Variants in TIGAR observed in about 807,000 individuals in gnomAD.
TIGAR encodes the protein TP53 induced glycolysis regulatory phosphatase, also known as fructose-2,6-bisphosphatase TIGAR.
Under a neutral mutation model 17.9 loss-of-function variants are expected in TIGAR, and 7 were observed. The observed-to-expected ratio is 0.39, with a 90% CI of 0.22 to 0.73. The LOEUF is 0.73. Ranked by LOEUF, TIGAR falls within the 30% of genes least tolerant of loss-of-function variation. The pLI is 0.42. For synonymous variants in TIGAR, 94 were observed against 108.6 expected (o/e 0.87, Z 0.84); for missense variants, 258 against 327.4 (o/e 0.79, Z 1.64).
At chr12:4,325,456 T>A (rs1591658562) in intron 1 of TIGAR, among the ~76,000 whole-genome samples, 2 of 152,074 alleles carry the variant, frequency 1.3e-5, no homozygotes, top group Middle Eastern at 6.8e-3. Flanking sequence ...AGATACTTTA[T>A]AAAGATCAAA....
At chr12:4,345,335 A>G (rs1864768072) in intron 3 of TIGAR, among the ~76,000 whole-genome samples, 1 of 152,254 alleles carries the variant, frequency 6.6e-6, no homozygotes, top group East Asian at 1.9e-4. Context: ...AGCTGGAGGC[A>G]TCACGCTACC....
At chr12:4,349,729 T>A in intron 3 of TIGAR, 90 bp from the exon 4 acceptor site, 1 of 1,127,878 alleles carries the variant, frequency 8.9e-7, no homozygotes, top group Admixed American at 2.5e-5. Context: ...AGTTCTTTTT[T>A]ATTCACTAAG....
intron 2 of TIGAR, among the ~76,000 whole-genome samples, chr12:4,331,934 C>T (rs1024727400): frequency 2.0e-5 from 3 of 152,082 alleles, no homozygotes; most frequent in African/African-American, 4.8e-5. Context: ...TGGTTAGGGA[C>T]TTCCGGGGTT....
chr12:4,351,413 A>G (rs750770249), intron 5 of TIGAR, 36 bp downstream of exon 5: 2 of 1,557,112 alleles, frequency 1.3e-6, no homozygotes. Flanking sequence ...TGGTTGAATT[A>G]AGACTCAAAA....
At chr12:4,330,331 A>G (rs571357667) in intron 1 of TIGAR, among the ~76,000 whole-genome samples, 1 of 152,324 alleles carries the variant, frequency 6.6e-6, no homozygotes, top group South Asian at 2.1e-4. Context: ...AATTGAAGAA[A>G]CCTTCCATCA....
intron 2 of TIGAR, among the ~76,000 whole-genome samples, chr12:4,336,481 C>G (rs970184701): frequency 6.6e-6 from 1 of 151,450 alleles, no homozygotes; most frequent in East Asian, 1.9e-4. Context: ...CACACACACA[C>G]ACACACACAC....
At chr12:4,338,975 C>CAAAA (rs199840929) in intron 3 of TIGAR, among the ~76,000 whole-genome samples, 622 of 37,854 alleles carry the variant, frequency 0.016, 56 homozygotes, top group African/African-American at 0.045. Flanking sequence ...AACTTTGTCT[C>CAAAA]ACAAAAAAAA....
intron 2 of TIGAR, among the ~76,000 whole-genome samples, chr12:4,334,685 T>G (rs2120662298): frequency 6.6e-6 from 1 of 152,322 alleles, no homozygotes; most frequent in South Asian, 2.1e-4. Context: ...CTGAAGTACG[T>G]TCTTTGAAAA....
intron 3 of TIGAR, among the ~76,000 whole-genome samples, chr12:4,338,316 T>C (rs1864682782): frequency 6.6e-6 from 1 of 152,178 alleles, no homozygotes; most frequent in South Asian, 2.1e-4. Flanking sequence ...ACTGTGGGCC[T>C]ATGATGCCTG....
intron 3 of TIGAR, among the ~76,000 whole-genome samples, chr12:4,342,714 C>G (rs4609670): frequency 0.29 from 44,564 of 151,738 alleles, 7,035 homozygotes; most frequent in East Asian, 0.57. Flanking sequence ...CCAGGCCTGC[C>G]CTAAAAGAGC....
At chr12:4,324,772 G>A (rs4444158) in intron 1 of TIGAR, 38,260 of 668,926 alleles carry the variant, frequency 0.057, 3,973 homozygotes, top group East Asian at 0.37. Context: ...CGGTAGGTGA[G>A]TTTGCGGAAG....
rs1305041922 is a variant in TIGAR, at chr12:4,356,174, GC to G, written c.*3484del. On this transcript the variant is annotated 3_prime_UTR_variant, in exon 6 of 6. Coordinates refer to ENST00000179259, the MANE Select transcript of TIGAR (RefSeq NM_020375.3). Reference sequence around the variant, plus strand: ...GGAGGCAGGGAAGATGGCAGCACTGGCTGTTGGGCCATTTGAAGAAGCAAGG... The same window carrying G: ...GGAGGCAGGGAAGATGGCAGCACTGGTGTTGGGCCATTTGAAGAAGCAAGG... 6.6e-6 allele frequency among the ~76,000 whole-genome samples: 1 copy of G among 152,106 alleles called. No individual in the cohort carries two copies. Among genetic ancestry groups the G allele is most frequent in the Non-Finnish European group, 1.5e-5 (1 of 68,024 alleles).
chr12:4,326,485 C>G (rs1002147265), intron 1 of TIGAR, among the ~76,000 whole-genome samples: 1 of 152,200 alleles, frequency 6.6e-6, no homozygotes, highest in Admixed American at 6.5e-5. Flanking sequence ...TGGATTCCTA[C>G]TCTTTAATAT....
In TIGAR at chr12:4,325,702, G is replaced by T. The variant is rs538396548; in HGVS notation, c.32+4399G>T. On this transcript the variant is annotated intron_variant, in intron 1 of 5. Transcript: ENST00000179259. The stretch of plus-strand genomic sequence containing the variant: ...GGTTGCAGTGAGCCCAGATTGCGCC[G>T]TTGCACTCCAGCCTGGGCAACAAGA... Among the ~76,000 whole-genome samples the T allele has an allele frequency of 1.8e-4, 26 of 144,184 alleles. No homozygotes were observed. The East Asian group carries it at 4.5e-3, about 25-fold the overall frequency. The allele number at this position is 144,184 out of a possible 152,430, so 94.6% of individuals were successfully genotyped here.
At chr12:4,330,633 TTTTCTGACAAAG>T (rs1864593958) in intron 1 of TIGAR, among the ~76,000 whole-genome samples, 1 of 152,190 alleles carries the variant, frequency 6.6e-6, no homozygotes, top group Non-Finnish European at 1.5e-5. Flanking sequence ...ACCCCAGTTA[TTTTCTGACAAAG>T]TTTCCAGTTC....
At chr12:4,338,491 T>A (rs1864684332) in intron 3 of TIGAR, among the ~76,000 whole-genome samples, 1 of 152,064 alleles carries the variant, frequency 6.6e-6, no homozygotes, top group Non-Finnish European at 1.5e-5. Flanking sequence ...TAACTTAAAT[T>A]TGTGGGGCAG....
At position 4,336,446 on chromosome 12, in the gene TIGAR, G is replaced by GCGCACA. The variant is rs1491292159; in HGVS notation, c.71-592_71-591insGCACAC. Among the ~76,000 whole-genome samples the GCGCACA allele has an allele frequency of 1.9e-4, 27 of 138,568 alleles. No homozygotes were observed. In the East Asian group the frequency reaches 3.4e-3, roughly 17 times the overall value. 90.9% of individuals were successfully genotyped at this position (138,568 alleles called of 152,430 possible). A position where few individuals can be genotyped will look rare whatever the true frequency, so the allele number is the denominator to read the frequency against. On this transcript the variant is annotated intron_variant, in intron 2 of 5. Transcript: ENST00000179259. The stretch of plus-strand genomic sequence containing the variant: ...TATGTTCTGTGGGCCCAGCAATGCA[G>GCGCACA]CACACACACACACACACACACACAC...
rs1174107691 is a variant in TIGAR, at chr12:4,355,538, TTC to T, written c.*2849_*2850del. 6.8e-4 allele frequency among the ~76,000 whole-genome samples: 104 copies of T among 152,336 alleles called. No homozygotes were observed. The highest frequency in any genetic ancestry group is 1.2e-3 in the Admixed American group (18 of 15,294). Reference sequence around the variant, plus strand: ...ATCAATTGGTCAATTTCCAGAAAAATTCTGTTACAAATTTTATTGGAGTCACA... The same window carrying T: ...ATCAATTGGTCAATTTCCAGAAAAATTGTTACAAATTTTATTGGAGTCACA... On this transcript the variant is annotated 3_prime_UTR_variant, in exon 6 of 6. Coordinates refer to ENST00000179259, the MANE Select transcript of TIGAR (RefSeq NM_020375.3).
chr12:4,352,704 AT>A lies in TIGAR; in HGVS notation c.*14del. On this transcript the variant is annotated 3_prime_UTR_variant, in exon 6 of 6. Coordinates refer to ENST00000179259, the MANE Select transcript of TIGAR (RefSeq NM_020375.3). ...TGAAACTCGCTAAGGTTAAATCTGC[AT>A]CAAAATCTAACCATTTTGAGCCTCT... 1 of 1,589,658 alleles carries A rather than the reference AT, an allele frequency of 6.3e-7. No individual in the cohort carries two copies. Among genetic ancestry groups the A allele is most frequent in the Non-Finnish European group, 8.5e-7 (1 of 1,173,656 alleles).
Sources: gnomAD v4.1 joint callset for allele counts (sites outside exome capture counted in the v4.1 genomes callset) on GRCh38, gnomAD v4.1.1 for gene constraint, MANE v1.5 for transcripts, NCBI Gene and HGNC (gene_info 2026-07-23, HGNC 2026-07-21) for gene names.